The following PTPRD variants were observed in gnomAD, a reference collection of about 807,000 sequenced individuals.
PTPRD encodes protein tyrosine phosphatase receptor type D.
A neutral mutation model predicts 214.5 loss-of-function variants in PTPRD; 34 were observed. The ratio of observed to expected loss-of-function variants is 0.16; its 90% CI spans 0.12 to 0.21. The LOEUF (loss-of-function observed/expected upper bound fraction) is 0.21. PTPRD is among the 10% of genes least tolerant of loss of function. PTPRD has a pLI of 1.00. For synonymous variants in PTPRD, 1,128 were observed against 845.7 expected, an observed-to-expected ratio of 1.33 and a Z score of -5.79; for missense variants, 2,545 against 2,398.7, an observed-to-expected ratio of 1.06 and a Z score of -1.27.
At chr9:10,130,059 T>C (rs888318946) in intron 3 of PTPRD, among the ~76,000 whole-genome samples, 6 of 151,922 alleles carry the variant, frequency 3.9e-5, no homozygotes, top group African/African-American at 1.4e-4. Flanking sequence ...GTTTTTTTGA[T>C]TTTGATAAGG....
rs1158020774 is a variant in PTPRD, at chr9:10,275,748, C to T, written c.-545+65215G>A. Among the ~76,000 whole-genome samples, 3 of 152,150 alleles carry T rather than the reference C, an allele frequency of 2.0e-5. No individual in the cohort carries two copies. In the East Asian group the frequency reaches 5.8e-4, roughly 29 times the overall value. On this transcript the variant is annotated intron_variant, in intron 3 of 45. Transcript: ENST00000381196. ...TTAGAAGCATTTAACTAAATGGTCA[C>T]GTTAACAAATCAGAGAGATGCAGCA...
At chr9:10,580,352 A>G (rs1024657947) in intron 2 of PTPRD, among the ~76,000 whole-genome samples, 7 of 152,216 alleles carry the variant, frequency 4.6e-5, no homozygotes, top group African/African-American at 1.7e-4. Flanking sequence ...ATTTGATTTC[A>G]ATCAACAGTA....
rs151113812 is a variant in PTPRD at position 10,491,969 on chromosome 9, T to C, written c.-600+120429A>G. Among the ~76,000 whole-genome samples, 389 of 152,264 alleles carry C rather than the reference T, an allele frequency of 2.6e-3. 3 individuals carry two copies. Among genetic ancestry groups the C allele is most frequent in the African/African-American group, 8.6e-3 (357 of 41,552 alleles). On this transcript the variant is annotated intron_variant, in intron 2 of 45. Transcript: ENST00000381196. The stretch of plus-strand genomic sequence containing the variant: ...ATGAGTGAGAACATGCAGTGTTTGG[T>C]TTTCTGTTCCTGTGTTAGTTTGCTG...
chr9:9,133,921 A>G (rs894663683), intron 10 of PTPRD, among the ~76,000 whole-genome samples: 1 of 152,148 alleles, frequency 6.6e-6, no homozygotes, highest in Non-Finnish European at 1.5e-5. Context: ...ATACAGCTTG[A>G]GCAAGAAGAC....
intron 3 of PTPRD, among the ~76,000 whole-genome samples, chr9:10,084,538 C>T (rs1293119792): frequency 6.6e-6 from 1 of 151,908 alleles, no homozygotes; most frequent in African/African-American, 2.4e-5. Flanking sequence ...GCATGAGTAG[C>T]TATGGCAGTG....
At chr9:9,048,848 G>T (rs958701620) in intron 10 of PTPRD, among the ~76,000 whole-genome samples, 18 of 152,102 alleles carry the variant, frequency 1.2e-4, no homozygotes, top group African/African-American at 4.3e-4. Flanking sequence ...ATAAATGCTT[G>T]AGGGTATAGA....
At chr9:8,841,451 G>T (rs187496165) in intron 11 of PTPRD, among the ~76,000 whole-genome samples, 1 of 152,042 alleles carries the variant, frequency 6.6e-6, no homozygotes, top group Non-Finnish European at 1.5e-5. Flanking sequence ...ATTAAAAAAT[G>T]TTGTGTGGGG....
chr9:9,930,020 T>A (rs1263560837), intron 5 of PTPRD, among the ~76,000 whole-genome samples: 1 of 152,106 alleles, frequency 6.6e-6, no homozygotes. Flanking sequence ...ACTCAGTCTG[T>A]AGGAAACAAA....
chr9:8,457,838 C>G (rs545082379), intron 33 of PTPRD, among the ~76,000 whole-genome samples: 1 of 152,034 alleles, frequency 6.6e-6, no homozygotes, highest in African/African-American at 2.4e-5. Flanking sequence ...TACCAATGAC[C>G]TGTATATAAA....
chr9:10,213,154 A>G (rs2099524845), intron 3 of PTPRD, among the ~76,000 whole-genome samples: 1 of 152,136 alleles, frequency 6.6e-6, no homozygotes, highest in Admixed American at 6.6e-5. Context: ...TATTTTTAAC[A>G]AAACAGTTTT....
chr9:10,223,110 T>C (rs1218806416), intron 3 of PTPRD, among the ~76,000 whole-genome samples: 1 of 152,006 alleles, frequency 6.6e-6, no homozygotes, highest in Non-Finnish European at 1.5e-5. Context: ...TCAATTACTT[T>C]GTTTCTTTTT....
At chr9:10,452,464 T>C (rs1412875353) in intron 2 of PTPRD, among the ~76,000 whole-genome samples, 2 of 151,812 alleles carry the variant, frequency 1.3e-5, no homozygotes, top group Non-Finnish European at 3.0e-5. Context: ...TTCCCATTTC[T>C]CCACACTCTC....
intron 37 of PTPRD, among the ~76,000 whole-genome samples, chr9:8,383,474 T>C (rs999846713): frequency 6.6e-6 from 1 of 152,282 alleles, no homozygotes; most frequent in Middle Eastern, 3.4e-3. Flanking sequence ...GGGCAGGAAT[T>C]TTCCCATTCT....
rs1841260991 is a variant in PTPRD at position 8,331,655 on chromosome 9, T to C, written c.5461A>G (p.Ile1821Val). Reference protein sequence around the residue: ...QGVPKSGEGFIDFIGQVHKTK... With the variant: ...QGVPKSGEGFVDFIGQVHKTK... ...TTATGGACTTGGCCGATGAAGTCAA[T>C]AAATCCTTCTCCGGACTTTGGCACT... is the stretch of plus-strand genomic sequence containing the variant. Residue 1821 changes from isoleucine (I) to valine (V), a missense_variant, in exon 44 of 46, where the codon ATT becomes GTT. Transcript: ENST00000381196. The C allele has an allele frequency of 6.2e-7, 1 of 1,613,874 alleles. No individual in the cohort carries two copies. Among genetic ancestry groups the C allele is most frequent in the Non-Finnish European group, 8.5e-7 (1 of 1,179,952 alleles).
In PTPRD at chr9:9,078,434, G is replaced by T. The variant is rs138656641; in HGVS notation, c.-142-59699C>A. On this transcript the variant is annotated intron_variant, in intron 10 of 45. Transcript: ENST00000381196. ...AATGTGGGTGTGCTTTCATATGTTT[G>T]TTATGAGGCATGCTGTGGCTTCGAA... Among the ~76,000 whole-genome samples, 1,094 of 152,172 alleles carry T rather than the reference G, an allele frequency of 7.2e-3. 12 individuals carry two copies. Among genetic ancestry groups the T allele is most frequent in the African/African-American group, 0.025 (1,035 of 41,530 alleles).
At chr9:9,710,975 CGTGTGT>C (rs35078738) in intron 7 of PTPRD, among the ~76,000 whole-genome samples, 1 of 149,490 alleles carries the variant, frequency 6.7e-6, no homozygotes, top group African/African-American at 2.4e-5. Flanking sequence ...CGAGAGAGAG[CGTGTGT>C]GTGTGTGTGT....
At chr9:9,381,446 G>C (rs1596742927) in intron 9 of PTPRD, among the ~76,000 whole-genome samples, 1 of 145,360 alleles carries the variant, frequency 6.9e-6, no homozygotes, top group East Asian at 2.0e-4. Context: ...CTGCAGTCTT[G>C]ACCTCTTGGG....
At chr9:9,103,699 G>A (rs2099794520) in intron 10 of PTPRD, among the ~76,000 whole-genome samples, 1 of 152,070 alleles carries the variant, frequency 6.6e-6, no homozygotes, top group African/African-American at 2.4e-5. Context: ...GGAGCAATTT[G>A]GCTGGGAATG....
At chr9:9,115,267 C>CT (rs2154457931) in intron 10 of PTPRD, among the ~76,000 whole-genome samples, 1 of 152,166 alleles carries the variant, frequency 6.6e-6, no homozygotes, top group African/African-American at 2.4e-5. Flanking sequence ...ATTTGGGATG[C>CT]TTTTTACTTA....
Sources: gnomAD v4.1 joint callset for allele counts (sites outside exome capture counted in the v4.1 genomes callset) on GRCh38, gnomAD v4.1.1 for gene constraint, MANE v1.5 for transcripts, NCBI Gene and HGNC (gene_info 2026-07-23, HGNC 2026-07-21) for gene names.